The following TYW5 variants were observed in gnomAD, a reference collection of about 807,000 sequenced individuals.
TYW5 encodes tRNA-yW synthesizing protein 5.
TYW5 carries 36 observed loss-of-function variants against 44.4 expected under a neutral mutation model. That is an observed-to-expected ratio of 0.81 (90% CI 0.62 to 1.07). The LOEUF is 1.07. Ranked by LOEUF, TYW5 falls within the 50% of genes least tolerant of loss-of-function variation. The pLI is 0.00. For missense variants in TYW5, 354 were observed against 365.7 expected (o/e 0.97, Z 0.26); for synonymous variants, 121 against 128.1 (o/e 0.94, Z 0.37).
Position 199,943,777 on chromosome 2 carries a change from G to T in TYW5, c.291C>A (p.Phe97Leu), listed in dbSNP as rs1431842958. Residue 97 changes from phenylalanine to leucine, a missense_variant, in exon 3 of 8, where the codon TTC (phenylalanine) becomes TTA (leucine). Physicochemically the swap from Phe to Leu is conservative, Grantham distance 22. Transcript: ENST00000354611. ...QRAAEEKHKE[F>L]FVSEDEKYYL... ...TAAAAGCAATTACCTCTGAAACAAAGAATTCTTTATGTTTCTCTTCAGCTG... is the reference window on the plus strand; with the variant it reads ...TAAAAGCAATTACCTCTGAAACAAATAATTCTTTATGTTTCTCTTCAGCTG... 1 of 1,609,680 alleles carries T rather than the reference G, an allele frequency of 6.2e-7. No individual in the cohort carries two copies. Among genetic ancestry groups the T allele is most frequent in the African/African-American group, 1.3e-5 (1 of 74,592 alleles).
In TYW5 at chr2:199,933,057, A is replaced by G. The variant is rs767497061; in HGVS notation, c.*10T>C. 1.2e-6 allele frequency: 2 copies of G among 1,612,544 alleles called. No homozygotes were observed. The highest frequency in any genetic ancestry group is 2.2e-5 in the East Asian group (1 of 44,860). ...TAAAGTGTTAATGTGCATTGCATTC[A>G]CTTCATTATTTACTCAGAGTTCTTG... On this transcript the variant is annotated 3_prime_UTR_variant, in exon 8 of 8. Transcript: ENST00000354611.
At chr2:199,953,411 G>C (rs1431656206) in intron 1 of TYW5, among the ~76,000 whole-genome samples, 1 of 152,170 alleles carries the variant, frequency 6.6e-6, no homozygotes, top group African/African-American at 2.4e-5. Flanking sequence ...GTTGATCATG[G>C]AGGAGGCTAT....
intron 3 of TYW5, chr2:199,942,053 A>C (rs1251177615): frequency 6.1e-5 from 9 of 147,390 alleles, no homozygotes; most frequent in African/African-American, 1.5e-4. Flanking sequence ...AGACTTTTGC[A>C]CTCCTTGTTT....
chr2:199,938,884 A>C (rs768519754), intron 5 of TYW5, 49 bp downstream of exon 5: 1 of 1,524,416 alleles, frequency 6.6e-7, no homozygotes, highest in South Asian at 1.3e-5. Flanking sequence ...TTAAATCTAT[A>C]ATGCTAAAGA....
rs1164853016 is a variant in TYW5, at chr2:199,936,435, G to GACTGAAGAGT, written c.534_543dup (p.Pro182ThrfsTer16). 6.2e-7 allele frequency: 1 copy of GACTGAAGAGT among 1,613,100 alleles called. No homozygotes were observed. The highest frequency in any genetic ancestry group is 1.3e-5 in the African/African-American group (1 of 74,990). ...AAATATAAATACTGGGCATCTCGAGGACTGAAGAGTACAACACGCTTTTTT... is the reference window on the plus strand; with the variant it reads ...AAATATAAATACTGGGCATCTCGAGGACTGAAGAGTACTGAAGAGTACAACACGCTTTTTT... On this transcript the variant is annotated frameshift_variant, in exon 6 of 8. Transcript: ENST00000354611. LOFTEE classifies it high-confidence loss of function.
intron 4 of TYW5, 46 bp from the exon 5 acceptor site, chr2:199,939,116 T>C: frequency 1.3e-6 from 2 of 1,539,366 alleles, no homozygotes; most frequent in South Asian, 1.3e-5. Context: ...TTAGACCCTA[T>C]GATATTAAGG....
intron 4 of TYW5, 48 bp downstream of exon 4, chr2:199,940,041 T>A (rs752669657): frequency 6.5e-7 from 1 of 1,547,560 alleles, no homozygotes; most frequent in East Asian, 2.3e-5. Context: ...TTAACATACA[T>A]ACATCCATTT....
At chr2:199,945,254 T>C (rs2077495220) in intron 2 of TYW5, 1 of 152,156 alleles carries the variant, frequency 6.6e-6, no homozygotes, top group African/African-American at 2.4e-5. Flanking sequence ...AAACAAATAT[T>C]CCCTGGATTT....
At chr2:199,950,678 G>A (rs1026427773) in intron 1 of TYW5, among the ~76,000 whole-genome samples, 2 of 152,164 alleles carry the variant, frequency 1.3e-5, no homozygotes, top group South Asian at 2.1e-4. Context: ...GCACGTGCGC[G>A]TGCCCTGAGA....
rs17629103 is a variant in TYW5 at position 199,930,442 on chromosome 2, C to T, written c.*2625G>A. On this transcript the variant is annotated 3_prime_UTR_variant, in exon 8 of 8. Transcript: ENST00000354611. Reference sequence around the variant, plus strand: ...ACCTTGTTTTACACAAATGGCAGTACAGTTTCAAATATGTTTTTCATGTAA... The same window carrying T: ...ACCTTGTTTTACACAAATGGCAGTATAGTTTCAAATATGTTTTTCATGTAA... 2,195 of 152,176 alleles carry T rather than the reference C, an allele frequency of 0.014. 40 individuals are homozygous for T. The highest frequency in any genetic ancestry group is 0.087 in the East Asian group (450 of 5,166). 9.4% of individuals were successfully genotyped at this position (152,176 alleles called of 1,614,324 possible).
intron 1 of TYW5, among the ~76,000 whole-genome samples, chr2:199,949,992 C>A (rs2077532483): frequency 6.6e-6 from 1 of 151,708 alleles, no homozygotes. Context: ...TACATTATGG[C>A]AAAAAAAAAG....
chr2:199,950,934 G>A (rs1417868775), intron 1 of TYW5, among the ~76,000 whole-genome samples: 1 of 152,202 alleles, frequency 6.6e-6, no homozygotes, highest in African/African-American at 2.4e-5. Flanking sequence ...GTGGTAGGAG[G>A]AGCTCCTTAC....
chr2:199,938,865 C>T, intron 5 of TYW5, 68 bp downstream of exon 5: 4 of 1,475,916 alleles, frequency 2.7e-6, no homozygotes, highest in East Asian at 4.6e-5. Flanking sequence ...GAAGTTGAAA[C>T]TGTGACTGTT....
chr2:199,954,000 G>A (rs1381750026), intron 1 of TYW5, among the ~76,000 whole-genome samples: 1 of 152,206 alleles, frequency 6.6e-6, no homozygotes, highest in African/African-American at 2.4e-5. Context: ...GGGAGAGCAA[G>A]AACAACCCAT....
In TYW5 at chr2:199,930,888, A is replaced by T. The variant is rs1301379309; in HGVS notation, c.*2179T>A. 6.6e-6 allele frequency: 1 copy of T among 152,172 alleles called. No homozygotes were observed. Among genetic ancestry groups the T allele is most frequent in the Non-Finnish European group, 1.5e-5 (1 of 68,030 alleles). The allele number at this position is 152,172 out of a possible 1,614,324, so 9.4% of individuals were successfully genotyped here. ...ATGGCTTCTAAGATCTCTTTCAATAAAAAAGTTCTAAGATTCAGAATTCCT... is the reference window on the plus strand; with the variant it reads ...ATGGCTTCTAAGATCTCTTTCAATATAAAAGTTCTAAGATTCAGAATTCCT... On this transcript the variant is annotated 3_prime_UTR_variant, in exon 8 of 8. Coordinates refer to ENST00000354611, the MANE Select transcript of TYW5 (RefSeq NM_001039693.3).
At chr2:199,952,203 T>C (rs942210377) in intron 1 of TYW5, among the ~76,000 whole-genome samples, 2 of 152,152 alleles carry the variant, frequency 1.3e-5, no homozygotes, top group Non-Finnish European at 2.9e-5. Context: ...ACTACGTAAA[T>C]ATTTACACAT....
At chr2:199,950,013 C>G (rs970842359) in intron 1 of TYW5, among the ~76,000 whole-genome samples, 1 of 152,032 alleles carries the variant, frequency 6.6e-6, no homozygotes. Context: ...AACCCGACGT[C>G]TTTTATACTT....
At chr2:199,936,803 T>C (rs1300549811) in intron 5 of TYW5, among the ~76,000 whole-genome samples, 3 of 152,230 alleles carry the variant, frequency 2.0e-5, no homozygotes, top group Admixed American at 6.5e-5. Context: ...CCTTGGTTAA[T>C]ATTTACTATC....
At chr2:199,937,465 C>A (rs1475653428) in intron 5 of TYW5, among the ~76,000 whole-genome samples, 3 of 151,134 alleles carry the variant, frequency 2.0e-5, no homozygotes, top group Non-Finnish European at 2.9e-5. Flanking sequence ...GAGTTTGAGA[C>A]CAGCCTGGCC....
Sources: gnomAD v4.1 joint callset for allele counts (sites outside exome capture counted in the v4.1 genomes callset) on GRCh38, gnomAD v4.1.1 for gene constraint, MANE v1.5 for transcripts, NCBI Gene and HGNC (gene_info 2026-07-23, HGNC 2026-07-21) for gene names.